Variants in NKAIN3 observed in about 807,000 individuals in gnomAD.
NKAIN3 encodes sodium/potassium-transporting ATPase subunit beta-1-interacting protein 3.
In NKAIN3, 25 loss-of-function variants were observed where a neutral mutation model predicts 30.2. The ratio of observed to expected loss-of-function variants is 0.83; its 90% CI spans 0.60 to 1.16. The LOEUF (loss-of-function observed/expected upper bound fraction) is 1.16. Among genes scored for constraint, NKAIN3 ranks in the 50% most tolerant of loss-of-function variants. NKAIN3 has a pLI of 0.00. For missense variants in NKAIN3, 225 were observed against 254.1 expected, an observed-to-expected ratio of 0.89 and a Z score of 0.78; for synonymous variants, 91 against 89.6, an observed-to-expected ratio of 1.02 and a Z score of -0.09.
rs1391136945 is a variant in NKAIN3 at position 62,967,233 on chromosome 8, G to A, written c.*1826G>A. On this transcript the variant is annotated 3_prime_UTR_variant, in exon 7 of 7. Coordinates refer to ENST00000623646, the MANE Select transcript of NKAIN3 (RefSeq NM_001304533.3). Reference sequence around the variant, plus strand: ...AGCCTGTATCTGTACACAGGGGCAAGAGCCATAGCCAGTGGACAGAGAACA... The same window carrying A: ...AGCCTGTATCTGTACACAGGGGCAAAAGCCATAGCCAGTGGACAGAGAACA... 6.6e-6 allele frequency among the ~76,000 whole-genome samples: 1 copy of A among 152,194 alleles called. No individual in the cohort carries two copies. Among genetic ancestry groups the A allele is most frequent in the Non-Finnish European group, 1.5e-5 (1 of 68,044 alleles).
At chr8:62,353,209 C>CA (rs1432843327) in intron 1 of NKAIN3, among the ~76,000 whole-genome samples, 1 of 151,638 alleles carries the variant, frequency 6.6e-6, no homozygotes. Flanking sequence ...GCCTGTTTTA[C>CA]AAAAAAATAA....
chr8:62,658,819 C>T (rs188550909), intron 3 of NKAIN3, among the ~76,000 whole-genome samples: 3 of 152,078 alleles, frequency 2.0e-5, no homozygotes, highest in African/African-American at 7.2e-5. Context: ...CTCCAGGCTA[C>T]TATAATTCCA....
At chr8:62,910,200 G>C (rs948961465) in intron 4 of NKAIN3, among the ~76,000 whole-genome samples, 14 of 152,080 alleles carry the variant, frequency 9.2e-5, no homozygotes, top group African/African-American at 3.4e-4. Context: ...TTCAGAAAAT[G>C]CAGTTAAACC....
intron 4 of NKAIN3, among the ~76,000 whole-genome samples, chr8:62,802,436 C>T (rs1409203563): frequency 2.0e-5 from 3 of 152,206 alleles, no homozygotes; most frequent in Non-Finnish European, 4.4e-5. Context: ...AGAAACTCTA[C>T]AAGCCAGAAG....
intron 3 of NKAIN3, among the ~76,000 whole-genome samples, chr8:62,655,944 CTG>C (rs1318118174): frequency 6.6e-6 from 1 of 152,052 alleles, no homozygotes; most frequent in East Asian, 1.9e-4. Flanking sequence ...CTAGGAAAGA[CTG>C]TGTTAGAAAT....
chr8:62,459,940 C>T (rs1420617456), intron 1 of NKAIN3, among the ~76,000 whole-genome samples: 1 of 152,080 alleles, frequency 6.6e-6, no homozygotes, highest in Middle Eastern at 3.2e-3. Context: ...GGATTGTGAA[C>T]AAGGGAAGTA....
At chr8:62,753,753 C>T (rs945114117) in intron 4 of NKAIN3, among the ~76,000 whole-genome samples, 6 of 151,972 alleles carry the variant, frequency 3.9e-5, no homozygotes, top group Non-Finnish European at 8.8e-5. Flanking sequence ...TCTTGTAACC[C>T]CACTCAATGG....
chr8:62,264,345 C>A (rs1383418020), intron 1 of NKAIN3, among the ~76,000 whole-genome samples: 1 of 152,148 alleles, frequency 6.6e-6, no homozygotes, highest in Admixed American at 6.6e-5. Context: ...TTGACAGAGT[C>A]AAGACAGTGT....
intron 4 of NKAIN3, chr8:62,863,762 C>T (rs1011004577): frequency 4.3e-6 from 7 of 1,610,080 alleles, no homozygotes; most frequent in Admixed American, 3.3e-5. Context: ...CATATCCCAG[C>T]ACAGCCAGAC....
intron 1 of NKAIN3, among the ~76,000 whole-genome samples, chr8:62,341,763 C>T (rs888133262): frequency 6.6e-6 from 1 of 151,812 alleles, no homozygotes; most frequent in Non-Finnish European, 1.5e-5. Context: ...GAATAATTGG[C>T]AGGCTTTCTT....
chr8:62,987,593 T>A (rs12547772), downstream of NKAIN3, among the ~76,000 whole-genome samples: 11,288 of 152,074 alleles, frequency 0.074, 677 homozygotes, highest in East Asian at 0.3. Context: ...TCAGATATCA[T>A]GAGACTAATT....
At chr8:62,789,626 G>A (rs1035375165) in intron 4 of NKAIN3, among the ~76,000 whole-genome samples, 5 of 151,870 alleles carry the variant, frequency 3.3e-5, no homozygotes, top group African/African-American at 4.8e-5. Context: ...ATGACAAAGG[G>A]GATATCACCA....
At chr8:62,826,212 GC>G (rs1288880798) in intron 4 of NKAIN3, among the ~76,000 whole-genome samples, 1 of 151,978 alleles carries the variant, frequency 6.6e-6, no homozygotes, top group Non-Finnish European at 1.5e-5. Context: ...TACCATGAAG[GC>G]AATTTGAGCC....
intron 4 of NKAIN3, among the ~76,000 whole-genome samples, chr8:62,754,095 T>A (rs1247039141): frequency 6.6e-6 from 1 of 152,120 alleles, no homozygotes; most frequent in African/African-American, 2.4e-5. Flanking sequence ...TATTTAATTA[T>A]CATATTTGTA....
At chr8:62,657,859 C>T (rs183859479) in intron 3 of NKAIN3, among the ~76,000 whole-genome samples, 1 of 152,256 alleles carries the variant, frequency 6.6e-6, no homozygotes, top group East Asian at 1.9e-4. Flanking sequence ...TGAAGTTCCT[C>T]ATTTACACAA....
intron 4 of NKAIN3, among the ~76,000 whole-genome samples, chr8:62,781,979 G>A (rs1267020536): frequency 6.6e-6 from 1 of 151,850 alleles, no homozygotes; most frequent in African/African-American, 2.4e-5. Context: ...AGCAAAATAA[G>A]CAATTAATTG....
chr8:62,662,951 A>G (rs1325517482), intron 3 of NKAIN3, among the ~76,000 whole-genome samples: 1 of 152,248 alleles, frequency 6.6e-6, no homozygotes, highest in Non-Finnish European at 1.5e-5. Context: ...TCTGACTTGA[A>G]ATATTTCAGA....
chr8:62,656,763 T>C (rs959465495), intron 3 of NKAIN3, among the ~76,000 whole-genome samples: 3 of 152,152 alleles, frequency 2.0e-5, no homozygotes, highest in African/African-American at 7.2e-5. Context: ...TCCTATAAGC[T>C]CTTTTGTAAC....
At chr8:62,746,828 C>A in intron 3 of NKAIN3, 104 bp from the exon 4 acceptor site, 2 of 731,508 alleles carry the variant, frequency 2.7e-6, no homozygotes, top group Non-Finnish European at 4.5e-6. Context: ...AAATTGAAAT[C>A]ACTGTAGCAA....
Sources: allele counts gnomAD v4.1 joint callset (sites outside exome capture counted in the v4.1 genomes callset), GRCh38; gene constraint gnomAD v4.1.1; transcripts MANE v1.5; gene names NCBI Gene and HGNC (gene_info 2026-07-23, HGNC 2026-07-21).